The following ANKRD17 variants were observed in gnomAD, a reference collection of about 807,000 sequenced individuals.
ANKRD17 encodes ankyrin repeat domain 17.
In ANKRD17, 19 loss-of-function variants were observed where a neutral mutation model predicts 229.7. The ratio of observed to expected loss-of-function variants is 0.08; its 90% CI spans 0.06 to 0.12. The LOEUF (loss-of-function observed/expected upper bound fraction) is 0.12, where lower values mean the gene tolerates loss of function less well. Ranked by LOEUF, ANKRD17 falls within the 10% of genes least tolerant of loss-of-function variation. ANKRD17 has a pLI of 1.00. For synonymous variants in ANKRD17, 1,112 were observed against 1,146.1 expected (o/e 0.97, Z 0.60); for missense variants, 2,176 against 3,176.8 (o/e 0.68, Z 7.57).
intron 1 of ANKRD17, among the ~76,000 whole-genome samples, chr4:73,183,600 A>C (rs1391825725): frequency 6.6e-6 from 1 of 151,968 alleles, no homozygotes; most frequent in African/African-American, 2.4e-5. Context: ...CAGCCTCCGG[A>C]GTAGCTGGAA....
At position 73,097,268 on chromosome 4, in the gene ANKRD17, A is replaced by T; in HGVS notation, c.5026T>A (p.Ser1676Thr). ...CTGGTCCCTTCACTGATAGTTTCTG[A>T]CAATCTTTAACAAAGAGAGGGAAAG... ...SVSGKASIKL[S>T]ETISEGTSNS... Residue 1676 changes from serine (S) to threonine (T), a missense_variant, in exon 27 of 34, where the codon TCA (serine) becomes ACA (threonine). This residue lies in a region of ANKRD17 where 98 missense variants were observed against 101.0 expected (regional missense o/e 0.97). Transcript: ENST00000358602. The T allele has an allele frequency of 6.4e-7, 1 of 1,566,754 alleles. No individual in the cohort carries two copies. Among genetic ancestry groups the T allele is most frequent in the Non-Finnish European group, 8.6e-7 (1 of 1,162,338 alleles).
chr4:73,258,571 G>T lies in ANKRD17; in HGVS notation c.98C>A (p.Ala33Glu). The T allele has an allele frequency of 6.9e-7, 1 of 1,458,526 alleles. No homozygotes were observed. 90.3% of individuals were successfully genotyped at this position (1,458,526 alleles called of 1,614,324 possible). A position where few individuals can be genotyped will look rare whatever the true frequency, so the allele number is the denominator to read the frequency against. The change falls in exon 1 of 34, where the codon GCG becomes GAG. Residue 33 changes from alanine to glutamate, a missense_variant. By Grantham distance (107) the Ala-to-Glu change is moderately radical (BLOSUM62 -1). Coordinates refer to ENST00000358602, the MANE Select transcript of ANKRD17 (RefSeq NM_032217.5). ...GCCGCCAACGCCGCCGCCGACCTCC[G>T]CCGCCGCGGGGGGGCCCGCCACAGC... ...VAAVAGPPAAAEVGGGVGGSS... is the reference protein window; with the variant it reads ...VAAVAGPPAAEEVGGGVGGSS...
intron 1 of ANKRD17, among the ~76,000 whole-genome samples, chr4:73,184,782 T>C (rs1736074013): frequency 6.6e-6 from 1 of 152,132 alleles, no homozygotes; most frequent in African/African-American, 2.4e-5. Context: ...ACTAAACAGA[T>C]ACTAATACAG....
intron 29 of ANKRD17, 65 bp from the exon 30 acceptor site, chr4:73,085,511 A>C: frequency 7.1e-7 from 1 of 1,407,120 alleles, no homozygotes; most frequent in Non-Finnish European, 1.0e-6. Flanking sequence ...GATACCTTAA[A>C]ATTCTAAAAG....
chr4:73,089,996 A>G (rs1427117371), intron 29 of ANKRD17, among the ~76,000 whole-genome samples: 1 of 152,240 alleles, frequency 6.6e-6, no homozygotes, highest in Non-Finnish European at 1.5e-5. Flanking sequence ...TTTAGAAATA[A>G]AAAAGATAAT....
intron 30 of ANKRD17, chr4:73,080,755 T>C (rs1015793278): frequency 6.6e-6 from 1 of 152,250 alleles, no homozygotes; most frequent in African/African-American, 2.4e-5. Context: ...TTCCCTTTTA[T>C]TTCCTGTATC....
Position 73,077,102 on chromosome 4 carries a change from A to G in ANKRD17, c.7590T>C (p.Gly2530=). 6.4e-7 allele frequency: 1 copy of G among 1,563,464 alleles called. No individual in the cohort carries two copies. The change falls in exon 33 of 34, where the codon GGT becomes GGC. Residue 2530 remains glycine (G), a splice_region_variant and synonymous_variant. Coordinates refer to ENST00000358602, the MANE Select transcript of ANKRD17 (RefSeq NM_032217.5). ...CATTCCCATACACAGAAAAAGGCAT[A>G]CCCTTAAAAAAGGAAAACACACACA... The part of the protein sequence containing the change: ...AGYMDFPKVG[G]MPFSVYGNAM...
intron 29 of ANKRD17, among the ~76,000 whole-genome samples, chr4:73,087,167 C>A (rs1376558144): frequency 4.0e-5 from 6 of 151,046 alleles, no homozygotes; most frequent in Non-Finnish European, 7.4e-5. Flanking sequence ...CTCACCCCAG[C>A]CTCCATCTAC....
intron 1 of ANKRD17, among the ~76,000 whole-genome samples, chr4:73,191,341 A>ATATATGTGTGTGTGTG (rs1553933228): frequency 1.6e-5 from 2 of 125,244 alleles, no homozygotes; most frequent in African/African-American, 6.2e-5. Flanking sequence ...AAAAATATAT[A>ATATATGTGTGTGTGTG]TGTGTGTGTG....
rs745537566 is a variant in ANKRD17 at position 73,121,773 on chromosome 4, A to C, written c.3493-14T>G. On this transcript the variant is annotated splice_polypyrimidine_tract_variant and intron_variant, in intron 18 of 33. Transcript: ENST00000358602. ...TAGCTCCACCACCTGAAAATAAAAT[A>C]GAAAAAAATATGTTTTCTTATGGAG... 22 of 1,571,818 alleles carry C rather than the reference A, an allele frequency of 1.4e-5. No homozygotes were observed.
intron 1 of ANKRD17, among the ~76,000 whole-genome samples, chr4:73,196,188 T>C (rs1333822418): frequency 1.3e-5 from 2 of 151,542 alleles, no homozygotes; most frequent in East Asian, 3.9e-4. Context: ...TTAGTAGAGA[T>C]GGTTTTGCCA....
chr4:73,223,187 G>C (rs1407007949), intron 1 of ANKRD17: 1 of 590,482 alleles, frequency 1.7e-6, no homozygotes, highest in Admixed American at 3.6e-5. Flanking sequence ...AAGAGCAGGG[G>C]GTGACTCACT....
intron 29 of ANKRD17, among the ~76,000 whole-genome samples, chr4:73,088,220 A>G (rs1429096077): frequency 6.6e-6 from 1 of 152,206 alleles, no homozygotes; most frequent in Non-Finnish European, 1.5e-5. Context: ...AAAAATATGG[A>G]ACACAAAATG....
intron 6 of ANKRD17, 57 bp from the exon 7 acceptor site, chr4:73,151,581 T>G: frequency 7.9e-7 from 1 of 1,268,270 alleles, no homozygotes; most frequent in Non-Finnish European, 1.1e-6. Context: ...AAAATATTTT[T>G]TAAAATTATA....
intron 17 of ANKRD17, 59 bp from the exon 18 acceptor site, chr4:73,125,117 C>A (rs1048152147): frequency 3.1e-6 from 5 of 1,599,674 alleles, no homozygotes; most frequent in Non-Finnish European, 4.3e-6. Flanking sequence ...AAATATCTGA[C>A]CTTCAAAATA....
chr4:73,248,715 ATTAAC>A (rs1378271739), intron 1 of ANKRD17, among the ~76,000 whole-genome samples: 2 of 152,028 alleles, frequency 1.3e-5, no homozygotes, highest in African/African-American at 4.8e-5. Flanking sequence ...ATATGTACAA[ATTAAC>A]TTATTCATAT....
rs376958036 is a variant in ANKRD17, at chr4:73,252,950, A to C, written c.393+5326T>G. On this transcript the variant is annotated intron_variant, in intron 1 of 33. Transcript: ENST00000358602. ...TTGTCTTCAATGGCCGTCCAACTGC[A>C]AAAAAGCGTCTCCCCTTATACAAGC... Among the ~76,000 whole-genome samples, 97 of 152,296 alleles carry C rather than the reference A, an allele frequency of 6.4e-4. 1 individual carries two copies. The South Asian group carries it at 0.016, about 25-fold the overall frequency.
At chr4:73,174,652 AAT>A (rs1255282716) in intron 2 of ANKRD17, among the ~76,000 whole-genome samples, 2 of 152,228 alleles carry the variant, frequency 1.3e-5, no homozygotes, top group African/African-American at 2.4e-5. Context: ...GCTTGCAGAT[AAT>A]ATAATCTTAT....
At chr4:73,158,181 A>AAAGG (rs1553925387) in intron 3 of ANKRD17, among the ~76,000 whole-genome samples, 3 of 151,636 alleles carry the variant, frequency 2.0e-5, no homozygotes, top group Admixed American at 2.0e-4. Flanking sequence ...AGAAAGAAAG[A>AAAGG]AAGAAAGAGA....
Sources: allele counts gnomAD v4.1 joint callset (sites outside exome capture counted in the v4.1 genomes callset), GRCh38; gene constraint gnomAD v4.1.1; regional missense constraint gnomAD v4.1.1; transcripts MANE v1.5; gene names NCBI Gene and HGNC (gene_info 2026-07-23, HGNC 2026-07-21).